Variants in TRERF1 observed in about 807,000 individuals in gnomAD.
TRERF1 encodes transcriptional regulating factor 1.
Under a neutral mutation model 122.9 loss-of-function variants are expected in TRERF1, and 27 were observed. The observed-to-expected ratio is 0.22, with a 90% CI of 0.16 to 0.30. The LOEUF (loss-of-function observed/expected upper bound fraction) is 0.30. Among genes scored for constraint, TRERF1 ranks in the 10% least tolerant of loss-of-function variants. The probability of loss-of-function intolerance (pLI) is 1.00; values close to 1 mark genes in which losing one functional copy is unlikely to be tolerated. For synonymous variants in TRERF1, 636 were observed against 641.7 expected (o/e 0.99, Z 0.13); for missense variants, 1,248 against 1,560.3 (o/e 0.80, Z 3.37).
intron 2 of TRERF1, among the ~76,000 whole-genome samples, chr6:42,423,736 A>T (rs76726230): frequency 6.6e-6 from 1 of 152,214 alleles, no homozygotes; most frequent in Non-Finnish European, 1.5e-5. Context: ...TAAAAAAAAA[A>T]GTTTCCAAAG....
At chr6:42,435,095 C>T (rs1412120311) in intron 2 of TRERF1, among the ~76,000 whole-genome samples, 1 of 151,448 alleles carries the variant, frequency 6.6e-6, no homozygotes, top group Non-Finnish European at 1.5e-5. Flanking sequence ...TGTACCATTG[C>T]ACTCCAGCCT....
intron 2 of TRERF1, among the ~76,000 whole-genome samples, chr6:42,435,183 T>A (rs1241695549): frequency 6.6e-6 from 1 of 150,476 alleles, no homozygotes; most frequent in South Asian, 2.1e-4. Flanking sequence ...ACAAAAAAAA[T>A]GTCTTCTGGG....
At position 42,268,035 on chromosome 6, in the gene TRERF1, G is replaced by C; in HGVS notation, c.1437+119C>G. ...GCGTGACACATGTAGGTTAATGTTT[G>C]TGGAATTAGTAAAGAACAAAAGGGT... On this transcript the variant is annotated intron_variant, in intron 5 of 17. Coordinates refer to ENST00000372922, the Ensembl canonical transcript of TRERF1. The surrounding 1 kb of genome is among the most constrained non-coding windows in gnomAD (Gnocchi z 4.4). 1.6e-6 allele frequency: 2 copies of C among 1,221,854 alleles called. No individual in the cohort carries two copies. The highest frequency in any genetic ancestry group is 3.2e-4 in the Middle Eastern group (1 of 3,174). 75.7% of individuals were successfully genotyped at this position (1,221,854 alleles called of 1,614,324 possible).
chr6:42,386,122 G>A (rs1202665699), intron 2 of TRERF1, among the ~76,000 whole-genome samples: 10 of 152,190 alleles, frequency 6.6e-5, no homozygotes, highest in South Asian at 2.1e-4. Flanking sequence ...TTGGGAGGCC[G>A]AGGTGGGCGA....
intron 2 of TRERF1, among the ~76,000 whole-genome samples, chr6:42,366,659 G>A (rs1024821150): frequency 6.6e-6 from 1 of 152,206 alleles, no homozygotes; most frequent in African/African-American, 2.4e-5. Flanking sequence ...CAGCTGTGTG[G>A]AGAAGCTCAT....
Position 42,259,327 on chromosome 6 carries a change from G to A in TRERF1, c.2269+12C>T, listed in dbSNP as rs1489727380. On this transcript the variant is annotated intron_variant, in intron 9 of 17. Coordinates refer to ENST00000372922, the Ensembl canonical transcript of TRERF1. This position sits in a 1 kb window ranked among gnomAD's most constrained non-coding sequence, Gnocchi z 4.9. ...ACCCAGAGCCCAGGAGGACGCTAAAGGGGTGACTCACTGGAGCGACACAGC... is the reference window on the plus strand; with the variant it reads ...ACCCAGAGCCCAGGAGGACGCTAAAAGGGTGACTCACTGGAGCGACACAGC... 3 of 1,494,714 alleles carry A rather than the reference G, an allele frequency of 2.0e-6. No individual in the cohort carries two copies. In the South Asian group the frequency reaches 4.1e-5, roughly 20 times the overall value. The allele number at this position is 1,494,714 out of a possible 1,614,324, so 92.6% of individuals were successfully genotyped here. A position where few individuals can be genotyped will look rare whatever the true frequency, so the allele number is the denominator to read the frequency against.
chr6:42,262,836 G>A (rs1026523433), intron 8 of TRERF1, among the ~76,000 whole-genome samples: 1 of 152,166 alleles, frequency 6.6e-6, no homozygotes, highest in South Asian at 2.1e-4. Context: ...ATGGATGCCA[G>A]GGCTATTGCC....
intron 2 of TRERF1, among the ~76,000 whole-genome samples, chr6:42,385,744 C>G (rs1190567872): frequency 1.3e-5 from 2 of 152,184 alleles, no homozygotes; most frequent in African/African-American, 4.8e-5. Context: ...CATAAAATAA[C>G]CCTTATATTT....
chr6:42,378,718 G>A (rs1298538932), intron 2 of TRERF1, among the ~76,000 whole-genome samples: 1 of 152,138 alleles, frequency 6.6e-6, no homozygotes, highest in Non-Finnish European at 1.5e-5. Flanking sequence ...GCTGAGAGAG[G>A]GGAAGTAACT....
intron 1 of TRERF1, among the ~76,000 whole-genome samples, chr6:42,451,697 CCTGATG>C (rs950451906): frequency 2.6e-4 from 39 of 151,174 alleles, no homozygotes; most frequent in African/African-American, 8.8e-4. Context: ...TGCAGGCTCT[CCTGATG>C]CTGGAAACTT....
chr6:42,442,850 A>G (rs1294720239), intron 2 of TRERF1, among the ~76,000 whole-genome samples: 1 of 152,190 alleles, frequency 6.6e-6, no homozygotes, highest in African/African-American at 2.4e-5. Context: ...GAAACCATTC[A>G]AATTGTGGCA....
intron 4 of TRERF1, among the ~76,000 whole-genome samples, chr6:42,281,455 G>GT (rs1447937275): frequency 6.6e-6 from 1 of 152,088 alleles, no homozygotes; most frequent in African/African-American, 2.4e-5. Context: ...TAATAGCTCT[G>GT]TTTTTTAAAA....
exon 18 of TRERF1, chr6:42,226,632 C>T (rs987231685): frequency 4.1e-4 from 62 of 152,048 alleles, no homozygotes; most frequent in African/African-American, 1.4e-3. Flanking sequence ...TTTTTTCTGT[C>T]CATGGCTTTC....
chr6:42,339,266 T>A (rs1300757848), intron 3 of TRERF1, among the ~76,000 whole-genome samples: 3 of 152,244 alleles, frequency 2.0e-5, no homozygotes, highest in Non-Finnish European at 4.4e-5. Flanking sequence ...AGCATGCCTA[T>A]GGTCTTTCCT....
chr6:42,381,247 A>G (rs1775856129), intron 2 of TRERF1, among the ~76,000 whole-genome samples: 1 of 151,766 alleles, frequency 6.6e-6, no homozygotes, highest in African/African-American at 2.4e-5. Context: ...CCCCGGAGAC[A>G]GGGTTTATCT....
chr6:42,238,870 C>A (rs72856317), intron 15 of TRERF1, among the ~76,000 whole-genome samples: 10,767 of 148,790 alleles, frequency 0.072, 456 homozygotes, highest in African/African-American at 0.11. Context: ...CACACACACA[C>A]AATTTCTAGT....
At chr6:42,295,957 T>C (rs1390168274) in intron 4 of TRERF1, among the ~76,000 whole-genome samples, 1 of 152,218 alleles carries the variant, frequency 6.6e-6, no homozygotes, top group African/African-American at 2.4e-5. Context: ...TGAAGTCTCA[T>C]GCCAGCTATA....
chr6:42,273,909 G>A (rs2149961495), intron 4 of TRERF1, among the ~76,000 whole-genome samples: 1 of 152,348 alleles, frequency 6.6e-6, no homozygotes, highest in Admixed American at 6.5e-5. Context: ...TAGAATGGAA[G>A]CTAGATAATT....
At chr6:42,308,250 T>C (rs1159818204) in intron 3 of TRERF1, among the ~76,000 whole-genome samples, 1 of 152,196 alleles carries the variant, frequency 6.6e-6, no homozygotes, top group African/African-American at 2.4e-5. Context: ...GATAAACAAA[T>C]GTGTTATATT....
Sources: gnomAD v4.1 joint callset for allele counts (sites outside exome capture counted in the v4.1 genomes callset) on GRCh38, gnomAD v4.1.1 for gene constraint, Gnocchi (gnomAD v3.1) non-coding constraint, MANE v1.5 for transcripts, NCBI Gene and HGNC (gene_info 2026-07-23, HGNC 2026-07-21) for gene names.